TTC7A: variants seen among roughly 807,000 people sequenced by gnomAD.
The protein encoded by TTC7A is tetratricopeptide repeat protein 7A.
Under a neutral mutation model 103.7 loss-of-function variants are expected in TTC7A, and 110 were observed. That is an observed-to-expected ratio of 1.06 (90% CI 0.91 to 1.24). The LOEUF is 1.24. TTC7A is among the 50% of genes most tolerant of loss of function. The probability of loss-of-function intolerance (pLI) is 0.00; values close to 1 mark genes in which losing one functional copy is unlikely to be tolerated. For synonymous variants in TTC7A, 521 were observed against 467.9 expected (o/e 1.11, Z -1.47); for missense variants, 1,340 against 1,116.3 (o/e 1.20, Z -2.86).
Position 47,075,206 on chromosome 2 carries a change from C to T in TTC7A, c.*1283C>T, listed in dbSNP as rs1685121190. The T allele has an allele frequency of 6.6e-6, 1 of 152,246 alleles. No homozygotes were observed. The highest frequency in any genetic ancestry group is 6.5e-5 in the Admixed American group (1 of 15,290). 9.4% of individuals were successfully genotyped at this position (152,246 alleles called of 1,614,324 possible). A position where few individuals can be genotyped will look rare whatever the true frequency, so the allele number is the denominator to read the frequency against. Reference sequence around the variant, plus strand: ...TCCCAAGACAGCTGGTGCCTCCTGGCTTTCCTGTGCCAGGCCAAGGGGCAC... The same window carrying T: ...TCCCAAGACAGCTGGTGCCTCCTGGTTTTCCTGTGCCAGGCCAAGGGGCAC... On this transcript the variant is annotated 3_prime_UTR_variant, in exon 20 of 20. Transcript: ENST00000319190.
chr2:47,030,900 C>T (rs180682618), intron 15 of TTC7A, among the ~76,000 whole-genome samples: 32 of 152,338 alleles, frequency 2.1e-4, no homozygotes, highest in Middle Eastern at 3.4e-3. Context: ...AATCCCAGCA[C>T]TTTGGGAGGC....
In TTC7A at chr2:47,073,796, A is replaced by G. The variant is rs1440341130; in HGVS notation, c.2450A>G (p.Gln817Arg). The G allele has an allele frequency of 6.2e-7, 1 of 1,613,768 alleles. No homozygotes were observed. Among genetic ancestry groups the G allele is most frequent in the Admixed American group, 1.7e-5 (1 of 60,032 alleles). The stretch of plus-strand genomic sequence containing the variant: ...CAGAGTACGTGCCACGAGGCGTGGC[A>G]GGGCCTGGGCGAGGTGCTGCAGGCC... ...ERQSTCHEAW[Q>R]GLGEVLQAQG... Residue 817 changes from glutamine (Q) to arginine (R), a missense_variant, in exon 20 of 20, where the codon CAG becomes CGG. Gln to Arg is a conservative substitution (Grantham distance 43). Coordinates refer to ENST00000319190, the MANE Select transcript of TTC7A (RefSeq NM_020458.4).
intron 2 of TTC7A, among the ~76,000 whole-genome samples, chr2:46,922,805 C>T (rs2103809140): frequency 1.3e-5 from 2 of 152,226 alleles, no homozygotes; most frequent in Middle Eastern, 6.8e-3. Context: ...TGGGAGGCCT[C>T]CAATTCAATT....
chr2:46,983,455 T>C (rs1440610505), intron 5 of TTC7A, among the ~76,000 whole-genome samples: 1 of 152,220 alleles, frequency 6.6e-6, no homozygotes, highest in Non-Finnish European at 1.5e-5. Context: ...CGGCTGCTGC[T>C]TGGAGCGCCC....
chr2:47,030,020 A>G (rs567866983), intron 15 of TTC7A, among the ~76,000 whole-genome samples: 1 of 126,860 alleles, frequency 7.9e-6, no homozygotes, highest in African/African-American at 3.6e-5. Context: ...TTGCTCTGTC[A>G]GGGGAGTTAG....
At chr2:46,928,302 G>GA (rs891982786) in intron 2 of TTC7A, among the ~76,000 whole-genome samples, 9 of 151,330 alleles carry the variant, frequency 5.9e-5, no homozygotes, top group African/African-American at 2.2e-4. Context: ...GGCAGGTTGT[G>GA]AAAAAACATT....
Position 47,074,183 on chromosome 2 carries a change from C to G in TTC7A, c.*260C>G. The G allele has an allele frequency of 3.8e-6, 2 of 522,972 alleles. No individual in the cohort carries two copies. The highest frequency in any genetic ancestry group is 6.9e-6 in the Non-Finnish European group (2 of 290,378). 32.4% of individuals were successfully genotyped at this position (522,972 alleles called of 1,614,324 possible). A position where few individuals can be genotyped will look rare whatever the true frequency, so the allele number is the denominator to read the frequency against. Reference sequence around the variant, plus strand: ...GTTTTGTGGTGACCAGACTTGCTCCCCAAGAGCTGGGCAGCGGGGAGCCTC... The same window carrying G: ...GTTTTGTGGTGACCAGACTTGCTCCGCAAGAGCTGGGCAGCGGGGAGCCTC... On this transcript the variant is annotated 3_prime_UTR_variant, in exon 20 of 20. Transcript: ENST00000319190.
At chr2:46,956,233 C>T (rs1348222882) in intron 2 of TTC7A, among the ~76,000 whole-genome samples, 2 of 152,190 alleles carry the variant, frequency 1.3e-5, no homozygotes, top group African/African-American at 4.8e-5. Context: ...CACTCTTGGC[C>T]TCCGTGATTC....
chr2:47,053,290 G>T (rs142976936), intron 18 of TTC7A, among the ~76,000 whole-genome samples: 1 of 152,176 alleles, frequency 6.6e-6, no homozygotes, highest in Non-Finnish European at 1.5e-5. Context: ...AAAGGTTCCC[G>T]TCGTCTTCTA....
At chr2:47,043,421 G>A (rs1389633470) in intron 15 of TTC7A, among the ~76,000 whole-genome samples, 1 of 152,190 alleles carries the variant, frequency 6.6e-6, no homozygotes, top group Non-Finnish European at 1.5e-5. Context: ...TCTCAGCAGA[G>A]GCTACAGCAG....
intron 5 of TTC7A, among the ~76,000 whole-genome samples, chr2:46,980,252 C>T (rs1021419749): frequency 1.5e-5 from 2 of 131,930 alleles, no homozygotes; most frequent in Non-Finnish European, 3.1e-5. Context: ...ACAGATCTTA[C>T]TCTGACATCC....
intron 3 of TTC7A, among the ~76,000 whole-genome samples, chr2:46,959,921 A>G (rs982220460): frequency 6.6e-6 from 1 of 152,166 alleles, no homozygotes. Flanking sequence ...GAAAAGAGTT[A>G]TTGTCCATGT....
rs1471937600 is a variant in TTC7A at position 46,941,641 on chromosome 2, C to T, written c.100C>T (p.Arg34Trp). The change falls in exon 1 of 20, where the codon CGG becomes TGG. Residue 34 changes from arginine (R) to tryptophan (W), a missense_variant. Physicochemically the swap from Arg to Trp is moderately radical, Grantham distance 101. Coordinates refer to ENST00000319190, the MANE Select transcript of TTC7A (RefSeq NM_020458.4). The surrounding 1 kb of genome is among the most constrained non-coding windows in gnomAD (Gnocchi z 4.2). ...GHWDRMPELV[R>W]QLQTLSMPGG... ...CTGGGACCGCATGCCGGAGCTGGTC[C>T]GGCAGCTGCAGACGCTGAGCATGCC... The T allele has an allele frequency of 1.3e-6, 2 of 1,553,352 alleles. No homozygotes were observed. The highest frequency in any genetic ancestry group is 1.7e-6 in the Non-Finnish European group (2 of 1,148,832).
At chr2:47,006,844 C>T in intron 10 of TTC7A, 120 bp downstream of exon 10, 1 of 811,222 alleles carries the variant, frequency 1.2e-6, no homozygotes, top group Non-Finnish European at 2.1e-6. Context: ...TGGTTTGAAC[C>T]TCCGGGAGAG....
At chr2:47,039,982 G>T (rs1016095203) in intron 15 of TTC7A, among the ~76,000 whole-genome samples, 2 of 152,226 alleles carry the variant, frequency 1.3e-5, no homozygotes, top group Non-Finnish European at 2.9e-5. Flanking sequence ...GGCTGACTCT[G>T]TTAGGTCACC....
chr2:47,071,675 C>T (rs930024416), intron 19 of TTC7A, among the ~76,000 whole-genome samples: 1 of 152,176 alleles, frequency 6.6e-6, no homozygotes, highest in Non-Finnish European at 1.5e-5. Context: ...GGCCAGCAAG[C>T]CCTGAGCTTT....
At chr2:46,933,152 G>A (rs1029627938) in intron 2 of TTC7A, among the ~76,000 whole-genome samples, 8 of 152,118 alleles carry the variant, frequency 5.3e-5, no homozygotes, top group Non-Finnish European at 1.2e-4. Flanking sequence ...CTCTGGAGAG[G>A]GGCCCATTGT....
chr2:46,982,406 C>T (rs1279232682), intron 5 of TTC7A, among the ~76,000 whole-genome samples: 1 of 151,950 alleles, frequency 6.6e-6, no homozygotes, highest in South Asian at 2.1e-4. Context: ...TTGGAAGGGC[C>T]CCTACTGGGA....
chr2:47,069,699 G>T (rs988910816), intron 19 of TTC7A, among the ~76,000 whole-genome samples: 1 of 152,216 alleles, frequency 6.6e-6, no homozygotes, highest in African/African-American at 2.4e-5. Flanking sequence ...GGTTGAGGCT[G>T]ACACACCTGA....
Sources: gnomAD v4.1 joint callset for allele counts (sites outside exome capture counted in the v4.1 genomes callset) on GRCh38, gnomAD v4.1.1 for gene constraint, Gnocchi (gnomAD v3.1) non-coding constraint, MANE v1.5 for transcripts, NCBI Gene and HGNC (gene_info 2026-07-23, HGNC 2026-07-21) for gene names.